ALCAM: variants seen among roughly 807,000 people sequenced by gnomAD.
The protein encoded by ALCAM is activated leukocyte cell adhesion molecule.
Under a neutral mutation model 70.9 loss-of-function variants are expected in ALCAM, and 30 were observed. That is an observed-to-expected ratio of 0.42 (90% confidence interval 0.32 to 0.57). The LOEUF is 0.57. Ranked by LOEUF, ALCAM falls within the 20% of genes least tolerant of loss-of-function variation. The pLI is 0.11. For synonymous variants in ALCAM, 249 were observed against 242.5 expected, an observed-to-expected ratio of 1.03 and a Z score of -0.25; for missense variants, 591 against 695.1, an observed-to-expected ratio of 0.85 and a Z score of 1.68.
At chr3:105,537,807 G>C (rs183948330) in intron 6 of ALCAM, among the ~76,000 whole-genome samples, 7 of 152,244 alleles carry the variant, frequency 4.6e-5, no homozygotes, top group African/African-American at 7.2e-5. Flanking sequence ...TAGAGGAAAA[G>C]TTCATTGAGG....
Position 105,367,320 on chromosome 3 carries a change from CGCCA to C in ALCAM, c.-86_-83del. ...AAGACGCTGCCCCTGCGTCGGGACC[CGCCA>C]GCGCGCGGGCACCGCGGGGCCCGGG... On this transcript the variant is annotated 5_prime_UTR_variant, in exon 1 of 16. Coordinates refer to ENST00000306107, the MANE Select transcript of ALCAM (RefSeq NM_001627.4). 1 of 1,403,140 alleles carries C rather than the reference CGCCA, an allele frequency of 7.1e-7. No homozygotes were observed. The highest frequency in any genetic ancestry group is 1.2e-5 in the South Asian group (1 of 83,038). 86.9% of individuals were successfully genotyped at this position (1,403,140 alleles called of 1,614,324 possible). A position where few individuals can be genotyped will look rare whatever the true frequency, so the allele number is the denominator to read the frequency against.
At chr3:105,414,511 C>T (rs1354823016) in intron 1 of ALCAM, among the ~76,000 whole-genome samples, 2 of 152,076 alleles carry the variant, frequency 1.3e-5, no homozygotes, top group Non-Finnish European at 2.9e-5. Flanking sequence ...TGAATTGGAA[C>T]GCCTCCTTAT....
At chr3:105,472,987 C>T (rs1937978711) in intron 1 of ALCAM, among the ~76,000 whole-genome samples, 2 of 151,374 alleles carry the variant, frequency 1.3e-5, no homozygotes, top group South Asian at 4.1e-4. Context: ...TTTTTAATAA[C>T]TATTCTCTTT....
intron 1 of ALCAM, among the ~76,000 whole-genome samples, chr3:105,449,233 A>G (rs1217940154): frequency 1.3e-5 from 2 of 152,158 alleles, no homozygotes; most frequent in Non-Finnish European, 2.9e-5. Context: ...CTTCAGTGCT[A>G]TTGTATGGTC....
At chr3:105,438,334 G>T (rs971937606) in intron 1 of ALCAM, among the ~76,000 whole-genome samples, 1 of 151,524 alleles carries the variant, frequency 6.6e-6, no homozygotes, top group Admixed American at 6.6e-5. Flanking sequence ...TTCATAATTC[G>T]GACTCCTTGG....
chr3:105,486,956 A>ATATTTATTTATTTATTTATT (rs1559807814), intron 1 of ALCAM, among the ~76,000 whole-genome samples: 2 of 62,500 alleles, frequency 3.2e-5, no homozygotes, highest in African/African-American at 1.5e-4. Flanking sequence ...AGAGCATAAG[A>ATATTTATTTATTTATTTATT]CATTTATTTA....
At chr3:105,404,675 GA>G (rs34622350) in intron 1 of ALCAM, among the ~76,000 whole-genome samples, 2 of 147,420 alleles carry the variant, frequency 1.4e-5, no homozygotes, top group African/African-American at 2.5e-5. Context: ...ATAACACAAT[GA>G]AAAAAAAAAC....
chr3:105,400,864 TAC>T (rs1482759349), intron 1 of ALCAM, among the ~76,000 whole-genome samples: 1 of 152,222 alleles, frequency 6.6e-6, no homozygotes, highest in East Asian at 1.9e-4. Flanking sequence ...AGTCTTTGGA[TAC>T]TTTAATTCCC....
intron 1 of ALCAM, among the ~76,000 whole-genome samples, chr3:105,468,056 G>C (rs1937799969): frequency 6.6e-6 from 1 of 151,200 alleles, no homozygotes; most frequent in South Asian, 2.1e-4. Flanking sequence ...GTGGGATGAA[G>C]GCAATAAAAT....
intron 8 of ALCAM, chr3:105,544,656 C>A (rs541849843): frequency 1.2e-4 from 19 of 157,166 alleles, no homozygotes; most frequent in African/African-American, 3.9e-4. Flanking sequence ...GGAATTTTCT[C>A]ATACAGATCA....
chr3:105,532,131 A>G (rs1939855117), intron 4 of ALCAM, 65 bp downstream of exon 4: 1 of 1,305,186 alleles, frequency 7.7e-7, no homozygotes, highest in African/African-American at 1.5e-5. Flanking sequence ...TTCTGACCTT[A>G]CATTCCAAGA....
intron 6 of ALCAM, among the ~76,000 whole-genome samples, chr3:105,536,806 A>G (rs1326623428): frequency 6.6e-6 from 1 of 152,178 alleles, no homozygotes; most frequent in East Asian, 1.9e-4. Context: ...CTCAGTATTA[A>G]GAGTCTTGAG....
intron 12 of ALCAM, among the ~76,000 whole-genome samples, chr3:105,550,821 G>A (rs1275644335): frequency 1.3e-5 from 2 of 151,586 alleles, no homozygotes; most frequent in African/African-American, 4.8e-5. Flanking sequence ...CCGAAAATCA[G>A]ATAAGTGAAA....
At chr3:105,463,532 G>T (rs979788517) in intron 1 of ALCAM, among the ~76,000 whole-genome samples, 1 of 151,368 alleles carries the variant, frequency 6.6e-6, no homozygotes, top group Non-Finnish European at 1.5e-5. Context: ...AAACTTTCTT[G>T]TTAAATTTTT....
chr3:105,544,960 C>T, intron 8 of ALCAM: 2 of 368,432 alleles, frequency 5.4e-6, no homozygotes, highest in South Asian at 2.3e-5. Context: ...TATTTATATC[C>T]CCTCAAAATA....
chr3:105,457,332 TCACTTATAAGTGGGAGC>T (rs1284387872), intron 1 of ALCAM, among the ~76,000 whole-genome samples: 5 of 152,138 alleles, frequency 3.3e-5, no homozygotes, highest in African/African-American at 1.2e-4. Context: ...CTGCATGTTC[TCACTTATAAGTGGGAGC>T]TAAATGATGA....
At chr3:105,469,047 G>A (rs990996319) in intron 1 of ALCAM, among the ~76,000 whole-genome samples, 3 of 150,996 alleles carry the variant, frequency 2.0e-5, no homozygotes, top group Non-Finnish European at 4.4e-5. Context: ...CTTTTGATTG[G>A]TCATTATATG....
At position 105,479,728 on chromosome 3, in the gene ALCAM, G is replaced by C. The variant is rs187496593; in HGVS notation, c.74-40339G>C. ...CTTCATGCAACTTGCCAGTTCATTC[G>C]CATCTGCTTGTCAGTTTCATGATTT... On this transcript the variant is annotated intron_variant, in intron 1 of 15. Transcript: ENST00000306107. Among the ~76,000 whole-genome samples, 9 of 152,072 alleles carry C rather than the reference G, an allele frequency of 5.9e-5. 1 individual carries two copies. Among genetic ancestry groups the C allele is most frequent in the Admixed American group, 5.9e-4 (9 of 15,266 alleles).
intron 14 of ALCAM, among the ~76,000 whole-genome samples, chr3:105,567,131 T>C (rs610047): frequency 0.15 from 22,548 of 152,214 alleles, 1,846 homozygotes; most frequent in Admixed American, 0.27. Flanking sequence ...ATTTATGTTA[T>C]TGTTCTCCTG....
Sources: gnomAD v4.1 joint callset for allele counts (sites outside exome capture counted in the v4.1 genomes callset) on GRCh38, gnomAD v4.1.1 for gene constraint, MANE v1.5 for transcripts, NCBI Gene and HGNC (gene_info 2026-07-23, HGNC 2026-07-21) for gene names.